PPP3CA: variants seen among roughly 807,000 people sequenced by gnomAD.
PPP3CA encodes protein phosphatase 3 catalytic subunit alpha.
A neutral mutation model predicts 66.5 loss-of-function variants in PPP3CA; 14 were observed. That is an observed-to-expected ratio of 0.21 (90% confidence interval 0.14 to 0.33). PPP3CA has a LOEUF of 0.33. PPP3CA is among the 10% of genes least tolerant of loss of function. The pLI is 1.00. For missense variants in PPP3CA, 317 were observed against 639.5 expected, an observed-to-expected ratio of 0.50 and a Z score of 5.44; for synonymous variants, 232 against 226.2, an observed-to-expected ratio of 1.03 and a Z score of -0.23.
chr4:101,145,889 A>T (rs1339795983), intron 2 of PPP3CA, among the ~76,000 whole-genome samples: 1 of 152,194 alleles, frequency 6.6e-6, no homozygotes, highest in Non-Finnish European at 1.5e-5. Flanking sequence ...TGAATACAAA[A>T]GCATTTTGTT....
chr4:101,149,096 C>T (rs1027289037), intron 2 of PPP3CA, among the ~76,000 whole-genome samples: 2 of 152,094 alleles, frequency 1.3e-5, no homozygotes, highest in Non-Finnish European at 2.9e-5. Context: ...ATTGAAAATG[C>T]TGCAATTATG....
At chr4:101,114,123 T>C (rs977945489) in intron 2 of PPP3CA, among the ~76,000 whole-genome samples, 3 of 152,066 alleles carry the variant, frequency 2.0e-5, no homozygotes, top group African/African-American at 2.4e-5. Flanking sequence ...ATCAAAAACA[T>C]AGATGCACAA....
At chr4:101,208,865 CT>C (rs1396041286) in intron 1 of PPP3CA, among the ~76,000 whole-genome samples, 1 of 152,060 alleles carries the variant, frequency 6.6e-6, no homozygotes, top group African/African-American at 2.4e-5. Context: ...ACAAAATATT[CT>C]TTGATTTGCT....
intron 1 of PPP3CA, among the ~76,000 whole-genome samples, chr4:101,300,812 A>G (rs969718403): frequency 6.6e-6 from 1 of 152,178 alleles, no homozygotes; most frequent in African/African-American, 2.4e-5. Context: ...TTCATATAGT[A>G]GTCCTAAATG....
chr4:101,307,025 A>T (rs780321581), intron 1 of PPP3CA, among the ~76,000 whole-genome samples: 6 of 152,172 alleles, frequency 3.9e-5, no homozygotes, highest in Admixed American at 1.3e-4. Flanking sequence ...TCCTCTCAAG[A>T]ACCAATGCTA....
At position 101,131,277 on chromosome 4, in the gene PPP3CA, T is replaced by TAAATAAATAAAA. The variant is rs1553927201; in HGVS notation, c.260-22200_260-22199insTTTTATTTATTT. On this transcript the variant is annotated intron_variant, in intron 2 of 13. Transcript: ENST00000394854. ...ATAAATAAATAAATAAATAAATAAATAAAATAAAAAGGCACAGACTGGCAA... is the reference window on the plus strand; with the variant it reads ...ATAAATAAATAAATAAATAAATAAATAAATAAATAAAAAAAATAAAAAGGCACAGACTGGCAA... Among the ~76,000 whole-genome samples, 1,292 of 140,256 alleles carry TAAATAAATAAAA rather than the reference T, an allele frequency of 9.2e-3. 27 individuals carry two copies. Among genetic ancestry groups the TAAATAAATAAAA allele is most frequent in the African/African-American group, 0.032 (1,194 of 37,420 alleles). The allele number at this position is 140,256 out of a possible 152,430, so 92.0% of individuals were successfully genotyped here.
At chr4:101,261,863 CA>C (rs201902416) in intron 1 of PPP3CA, among the ~76,000 whole-genome samples, 3 of 149,300 alleles carry the variant, frequency 2.0e-5, no homozygotes, top group East Asian at 1.9e-4. Context: ...TCCCCCCACC[CA>C]AAAAAAAAGC....
intron 8 of PPP3CA, among the ~76,000 whole-genome samples, chr4:101,064,629 C>G (rs914304415): frequency 4.0e-5 from 6 of 151,892 alleles, no homozygotes; most frequent in African/African-American, 1.5e-4. Context: ...TGGTATCTGC[C>G]TTACAATCTT....
intron 8 of PPP3CA, among the ~76,000 whole-genome samples, chr4:101,078,060 A>G (rs1044237158): frequency 1.3e-5 from 2 of 152,304 alleles, no homozygotes; most frequent in East Asian, 3.9e-4. Context: ...TAAGCAGAGT[A>G]CATGCTATTT....
chr4:101,176,971 T>C (rs538306731), intron 2 of PPP3CA, among the ~76,000 whole-genome samples: 104 of 152,294 alleles, frequency 6.8e-4, no homozygotes, highest in African/African-American at 2.4e-3. Flanking sequence ...ATATTATTCA[T>C]ATGAGAAGAA....
At chr4:101,251,308 C>A (rs1033353784) in intron 1 of PPP3CA, among the ~76,000 whole-genome samples, 1 of 151,980 alleles carries the variant, frequency 6.6e-6, no homozygotes, top group Non-Finnish European at 1.5e-5. Context: ...AAGTAAATAT[C>A]TTTCATTATA....
chr4:101,197,265 G>A (rs1199120914), intron 1 of PPP3CA, among the ~76,000 whole-genome samples: 1 of 152,184 alleles, frequency 6.6e-6, no homozygotes, highest in African/African-American at 2.4e-5. Context: ...GGAGACCTAT[G>A]CCAAAAAATT....
At chr4:101,190,074 T>G (rs1416254718) in intron 2 of PPP3CA, among the ~76,000 whole-genome samples, 3 of 152,052 alleles carry the variant, frequency 2.0e-5, no homozygotes, top group African/African-American at 7.2e-5. Context: ...AAAATATGAG[T>G]ATTACCTGGG....
intron 1 of PPP3CA, among the ~76,000 whole-genome samples, chr4:101,329,017 A>G (rs1487670353): frequency 2.1e-5 from 3 of 145,692 alleles, no homozygotes; most frequent in Non-Finnish European, 4.4e-5. Context: ...TGTTCAAGTG[A>G]AAAGTTGCAC....
chr4:101,195,217 G>A (rs949950614), intron 2 of PPP3CA, among the ~76,000 whole-genome samples: 21 of 149,286 alleles, frequency 1.4e-4, no homozygotes, highest in African/African-American at 5.0e-4. Flanking sequence ...GCAGTGAGCC[G>A]AGATTGCACC....
At chr4:101,159,187 C>T (rs1047947745) in intron 2 of PPP3CA, among the ~76,000 whole-genome samples, 1 of 152,082 alleles carries the variant, frequency 6.6e-6, no homozygotes, top group African/African-American at 2.4e-5. Flanking sequence ...GCAGTCTGGC[C>T]GCAGGGCCCA....
intron 2 of PPP3CA, among the ~76,000 whole-genome samples, chr4:101,139,278 C>T (rs1357960055): frequency 6.9e-6 from 1 of 144,018 alleles, no homozygotes; most frequent in African/African-American, 2.6e-5. Flanking sequence ...ACCCAGGAGG[C>T]GGAGCTTGCA....
At chr4:101,290,177 T>A (rs116985907) in intron 1 of PPP3CA, among the ~76,000 whole-genome samples, 1 of 152,298 alleles carries the variant, frequency 6.6e-6, no homozygotes, top group East Asian at 1.9e-4. Flanking sequence ...ATCTTGAAAA[T>A]AGTAATTTCT....
intron 8 of PPP3CA, among the ~76,000 whole-genome samples, chr4:101,067,836 T>C (rs1328717653): frequency 6.7e-6 from 1 of 148,480 alleles, no homozygotes; most frequent in South Asian, 2.1e-4. Context: ...ATAATAATAA[T>C]AATAAAAAGC....
Sources: gnomAD v4.1 joint callset for allele counts (sites outside exome capture counted in the v4.1 genomes callset) on GRCh38, gnomAD v4.1.1 for gene constraint, MANE v1.5 for transcripts, NCBI Gene and HGNC (gene_info 2026-07-23, HGNC 2026-07-21) for gene names.